NCAPD2: variants seen among roughly 807,000 people sequenced by gnomAD.
NCAPD2 encodes non-SMC condensin I complex subunit D2, also known as condensin complex subunit 1.
NCAPD2 carries 100 observed loss-of-function variants against 164.5 expected under a neutral mutation model. The observed-to-expected ratio is 0.61, with a 90% confidence interval of 0.52 to 0.72. The LOEUF is 0.72. NCAPD2 is among the 30% of genes least tolerant of loss of function. The probability of loss-of-function intolerance (pLI) is 0.00; values close to 1 mark genes in which losing one functional copy is unlikely to be tolerated. For missense variants in NCAPD2, 1,560 were observed against 1,749.2 expected, an observed-to-expected ratio of 0.89 and a Z score of 1.93; for synonymous variants, 585 against 642.6, an observed-to-expected ratio of 0.91 and a Z score of 1.36.
chr12:6,514,031 T>A (rs1259257587), intron 6 of NCAPD2, among the ~76,000 whole-genome samples: 1 of 152,186 alleles, frequency 6.6e-6, no homozygotes, highest in Non-Finnish European at 1.5e-5. Flanking sequence ...ATCATATTTT[T>A]ATGATATATT....
At chr12:6,530,270 C>A (rs1946359089) in intron 29 of NCAPD2, among the ~76,000 whole-genome samples, 1 of 152,200 alleles carries the variant, frequency 6.6e-6, no homozygotes, top group South Asian at 2.1e-4. Flanking sequence ...CCCTTCTACC[C>A]CTTGCCCCTA....
chr12:6,514,789 T>C lies in NCAPD2; in HGVS notation c.856T>C (p.Cys286Arg), dbSNP rs757948141. ...CCTGTGTAGAGAGATTGGACAAAAG[T>C]GTCCCCAAGAGCTGAGTCGAGACCC... The part of the protein sequence containing the change: ...GEIVREIGQK[C>R]PQELSRDPSG... Residue 286 changes from cysteine (C) to arginine (R), a missense_variant, in exon 9 of 32, where the codon TGT becomes CGT. Coordinates refer to ENST00000315579, the MANE Select transcript of NCAPD2 (RefSeq NM_014865.4). 5 of 1,614,226 alleles carry C rather than the reference T, an allele frequency of 3.1e-6. No homozygotes were observed. Among genetic ancestry groups the C allele is most frequent in the Admixed American group, 1.7e-5 (1 of 60,026 alleles).
At chr12:6,515,009 G>GC (rs1946185735) in intron 9 of NCAPD2, 89 bp downstream of exon 9, 13 of 1,407,086 alleles carry the variant, frequency 9.2e-6, no homozygotes, top group Non-Finnish European at 1.2e-5. Flanking sequence ...CAAGAAAGTA[G>GC]CTTTGACAAG....
rs1479789724 is a variant in NCAPD2, at chr12:6,519,449, C to T, written c.1589+1490C>T. ...CTGCAGCCTCTCACTGTAGCCTCAA[C>T]CCTGCTGGGCTCAAGCGATCTCCCA... On this transcript the variant is annotated intron_variant, in intron 13 of 31. Transcript: ENST00000315579. 2.0e-5 allele frequency among the ~76,000 whole-genome samples: 3 copies of T among 152,124 alleles called. No individual in the cohort carries two copies. In the East Asian group the frequency reaches 5.8e-4, roughly 29 times the overall value.
intron 2 of NCAPD2, among the ~76,000 whole-genome samples, 157 bp downstream of exon 2, chr12:6,495,382 G>A (rs1945969623): frequency 6.6e-6 from 1 of 152,162 alleles, no homozygotes; most frequent in African/African-American, 2.4e-5. Flanking sequence ...AATTGCATGG[G>A]ATGCATGACC....
intron 2 of NCAPD2, among the ~76,000 whole-genome samples, chr12:6,503,861 C>A (rs576734358): frequency 1.3e-5 from 2 of 151,594 alleles, no homozygotes; most frequent in East Asian, 1.9e-4. Context: ...CACCTGTAAT[C>A]CCAGCTACTC....
chr12:6,506,720 CTGT>C (rs1395038479), intron 2 of NCAPD2, among the ~76,000 whole-genome samples: 2 of 151,938 alleles, frequency 1.3e-5, no homozygotes, highest in Admixed American at 6.5e-5. Context: ...TAGAGCATAC[CTGT>C]TGTTCTAGCT....
rs2137063900 is a variant in NCAPD2 at position 6,531,368 on chromosome 12, A to T, written c.4162A>T (p.Thr1388Ser). 6.2e-7 allele frequency: 1 copy of T among 1,613,958 alleles called. No homozygotes were observed. Among genetic ancestry groups the T allele is most frequent in the East Asian group, 2.2e-5 (1 of 44,892 alleles). Reference protein sequence around the residue: ...EMTEDETPKKTTPILRASARR... With the variant: ...EMTEDETPKKSTPILRASARR... ...GACAGAAGACGAGACACCCAAGAAA[A>T]CAACTCCCATTCTCAGAGCATCGGC... is the stretch of plus-strand genomic sequence containing the variant. Residue 1388 changes from threonine (T) to serine (S), a missense_variant, in exon 32 of 32, where the codon ACA becomes TCA. By Grantham distance (58) the Thr-to-Ser change is moderately conservative (BLOSUM62 1). Coordinates refer to ENST00000315579, the MANE Select transcript of NCAPD2 (RefSeq NM_014865.4). This position sits in a 1 kb window ranked among gnomAD's most constrained non-coding sequence, Gnocchi z 4.1.
rs1401834517 is a variant in NCAPD2 at position 6,526,616 on chromosome 12, G to A, written c.2734+1G>A. 1.2e-6 allele frequency: 2 copies of A among 1,612,686 alleles called. No individual in the cohort carries two copies. The highest frequency in any genetic ancestry group is 1.3e-5 in the African/African-American group (1 of 74,900). On this transcript the variant is annotated splice_donor_variant, in intron 21 of 31. Coordinates refer to ENST00000315579, the MANE Select transcript of NCAPD2 (RefSeq NM_014865.4). LOFTEE classifies it high-confidence loss of function. ...AAGAGAACCAGTCAGGAGGACCCGA[G>A]TAAGTGGGCAGGGGTTGACCCACTG...
At chr12:6,513,082 G>A (rs1254630279) in intron 6 of NCAPD2, among the ~76,000 whole-genome samples, 2 of 152,202 alleles carry the variant, frequency 1.3e-5, no homozygotes, top group Non-Finnish European at 2.9e-5. Context: ...AGATTTGGAC[G>A]TTGAATATAT....
chr12:6,530,657 C>T (rs1446447614), intron 29 of NCAPD2, 34 bp from the exon 30 acceptor site: 1 of 1,611,752 alleles, frequency 6.2e-7, no homozygotes, highest in East Asian at 2.2e-5. Flanking sequence ...TAACTGTTTT[C>T]AGGCCTGCTC....
chr12:6,501,103 C>G (rs1028079595), intron 2 of NCAPD2, among the ~76,000 whole-genome samples: 1 of 150,296 alleles, frequency 6.7e-6, no homozygotes, highest in Non-Finnish European at 1.5e-5. Flanking sequence ...CTCTGTCACC[C>G]AGGTTGGCGT....
intron 1 of NCAPD2, among the ~76,000 whole-genome samples, chr12:6,494,709 A>G (rs1342410034): frequency 1.3e-5 from 2 of 152,332 alleles, no homozygotes; most frequent in African/African-American, 2.4e-5. Context: ...TTCTTTAAAC[A>G]CCTTCGTACT....
chr12:6,525,728 A>G lies in NCAPD2; in HGVS notation c.2348+12A>G. The G allele has an allele frequency of 6.2e-7, 1 of 1,611,990 alleles. No homozygotes were observed. The highest frequency in any genetic ancestry group is 8.5e-7 in the Non-Finnish European group (1 of 1,178,662). ...GGCATGATGGCACGGTGAGGCTCAA[A>G]TCTAGCAGGCAATGGGGTGGGAGAG... On this transcript the variant is annotated intron_variant, in intron 18 of 31. Transcript: ENST00000315579.
At position 6,514,888 on chromosome 12, in the gene NCAPD2, A is replaced by G. The variant is rs1167571753; in HGVS notation, c.955A>G (p.Met319Val). The G allele has an allele frequency of 6.2e-7, 1 of 1,614,232 alleles. No individual in the cohort carries two copies. Among genetic ancestry groups the G allele is most frequent in the Non-Finnish European group, 8.5e-7 (1 of 1,180,032 alleles). Residue 319 changes from methionine (M) to valine (V), a missense_variant, in exon 9 of 32, where the codon ATG becomes GTG. Physicochemically the swap from Met to Val is conservative, Grantham distance 21. Transcript: ENST00000315579. ...TGTCCCAGCTATCCTGATGTCCAGC[A>G]TGTGCATTTTGCTAGATCACCTGGA... ...ERVPAILMSS[M>V]CILLDHLDGE...
Position 6,528,802 on chromosome 12 carries a change from CG to C in NCAPD2, c.3424del (p.Glu1142SerfsTer49), listed in dbSNP as rs1565547671. ...SEMAVLLIDP[E>X]PQIAALAKNF... ...AGATGGCGGTGCTGCTCATCGACCC[CG>C]AGCCTCAGATTGCTGCCCTGGCCAA... On this transcript the variant is annotated frameshift_variant, in exon 26 of 32. Coordinates refer to ENST00000315579, the MANE Select transcript of NCAPD2 (RefSeq NM_014865.4). LOFTEE classifies it high-confidence loss of function. This position sits in a 1 kb window ranked among gnomAD's most constrained non-coding sequence, Gnocchi z 5.1. The C allele has an allele frequency of 6.2e-7, 1 of 1,614,082 alleles. No homozygotes were observed. The highest frequency in any genetic ancestry group is 8.5e-7 in the Non-Finnish European group (1 of 1,179,994).
intron 2 of NCAPD2, among the ~76,000 whole-genome samples, chr12:6,505,983 T>G (rs1326987983): frequency 1.3e-5 from 2 of 151,988 alleles, no homozygotes; most frequent in African/African-American, 4.8e-5. Context: ...TTTTTTTACA[T>G]GGGGTCTCAC....
intron 9 of NCAPD2, among the ~76,000 whole-genome samples, chr12:6,515,153 C>T (rs1409912983): frequency 6.6e-6 from 1 of 151,900 alleles, no homozygotes; most frequent in African/African-American, 2.4e-5. Flanking sequence ...AGGGAGATGA[C>T]ATTTCTGCAG....
chr12:6,510,027 T>C, intron 3 of NCAPD2, 48 bp from the exon 4 acceptor site: 1 of 1,558,368 alleles, frequency 6.4e-7, no homozygotes, highest in Non-Finnish European at 8.9e-7. Context: ...TAGAAGGGGC[T>C]CTGCAGGCTC....
Sources: allele counts gnomAD v4.1 joint callset (sites outside exome capture counted in the v4.1 genomes callset), GRCh38; gene constraint gnomAD v4.1.1; non-coding constraint Gnocchi (gnomAD v3.1); transcripts MANE v1.5; gene names NCBI Gene and HGNC (gene_info 2026-07-23, HGNC 2026-07-21).